The following SLC2A9 variants were observed in gnomAD, a reference collection of about 807,000 sequenced individuals.
The protein encoded by SLC2A9 is solute carrier family 2, facilitated glucose transporter member 9.
In SLC2A9, 39 loss-of-function variants were observed where a neutral mutation model predicts 50.6. That is an observed-to-expected ratio of 0.77 (90% CI 0.60 to 1.01). The LOEUF (loss-of-function observed/expected upper bound fraction) is 1.01. Ranked by LOEUF, SLC2A9 falls within the 50% of genes least tolerant of loss-of-function variation. The pLI is 0.00. For missense variants in SLC2A9, 686 were observed against 677.6 expected, an observed-to-expected ratio of 1.01 and a Z score of -0.14; for synonymous variants, 324 against 276.9, an observed-to-expected ratio of 1.17 and a Z score of -1.69.
At chr4:9,782,352 C>A in intron 3 of SLC2A9, 1 of 1,614,040 alleles carries the variant, frequency 6.2e-7, no homozygotes, top group Non-Finnish European at 8.5e-7. Flanking sequence ...GGTTACTGGC[C>A]CTTTGGAGCG....
intron 5 of SLC2A9, among the ~76,000 whole-genome samples, chr4:9,964,426 A>G (rs1752758502): frequency 1.3e-5 from 2 of 152,106 alleles, no homozygotes; most frequent in African/African-American, 4.8e-5. Flanking sequence ...CTTTTCTCCT[A>G]TTTCCCTTCA....
chr4:9,960,806 G>A (rs1752145166), intron 5 of SLC2A9, among the ~76,000 whole-genome samples: 1 of 152,190 alleles, frequency 6.6e-6, no homozygotes, highest in Non-Finnish European at 1.5e-5. Context: ...ATAGTCAGCA[G>A]AAGGGAAATG....
intron 7 of SLC2A9, 90 bp from the exon 8 acceptor site, chr4:9,908,435 T>C (rs992101223): frequency 4.5e-6 from 4 of 886,724 alleles, no homozygotes; most frequent in Admixed American, 3.9e-5. Context: ...AGGTGGTCTC[T>C]GGATTAAACT....
At chr4:9,803,575 C>G (rs998422298) in intron 3 of SLC2A9, among the ~76,000 whole-genome samples, 1 of 152,214 alleles carries the variant, frequency 6.6e-6, no homozygotes, top group Non-Finnish European at 1.5e-5. Context: ...GAGTGGTCCA[C>G]TATCCACCAG....
At chr4:9,808,072 G>T (rs1399218542) in intron 3 of SLC2A9, among the ~76,000 whole-genome samples, 1 of 152,188 alleles carries the variant, frequency 6.6e-6, no homozygotes, top group Non-Finnish European at 1.5e-5. Flanking sequence ...CCATCTCTGG[G>T]CTGGGTGGCT....
downstream of SLC2A9, among the ~76,000 whole-genome samples, chr4:9,822,771 T>C (rs1560152654): frequency 2.0e-5 from 3 of 152,200 alleles, no homozygotes; most frequent in Admixed American, 1.3e-4. Context: ...TTTTCTAAGG[T>C]GACTTTCAAG....
At chr4:9,850,322 G>A (rs1729671217) in intron 10 of SLC2A9, among the ~76,000 whole-genome samples, 1 of 152,210 alleles carries the variant, frequency 6.6e-6, no homozygotes, top group African/African-American at 2.4e-5. Context: ...CAGCCTGTGT[G>A]TTGCCCAGAG....
intron 3 of SLC2A9, chr4:9,782,389 C>T (rs1353730805): frequency 1.2e-6 from 2 of 1,614,066 alleles, no homozygotes; most frequent in East Asian, 2.2e-5. Flanking sequence ...TGGCCTTCGA[C>T]ATCATGTGCT....
chr4:9,848,740 C>A (rs1729398617), intron 10 of SLC2A9, among the ~76,000 whole-genome samples: 1 of 148,766 alleles, frequency 6.7e-6, no homozygotes, highest in Admixed American at 6.7e-5. Context: ...CACTCTGTCA[C>A]CCAGGCTGGA....
chr4:9,830,967 G>T (rs1726034131), intron 11 of SLC2A9, among the ~76,000 whole-genome samples: 1 of 152,176 alleles, frequency 6.6e-6, no homozygotes, highest in African/African-American at 2.4e-5. Flanking sequence ...CAGGCTTGGA[G>T]AGGAAACCCA....
At chr4:9,836,824 G>T (rs957331886) in intron 10 of SLC2A9, among the ~76,000 whole-genome samples, 4 of 152,190 alleles carry the variant, frequency 2.6e-5, no homozygotes, top group Admixed American at 2.6e-4. Context: ...GGTTGTTTAG[G>T]GGGGCTCAGA....
chr4:9,883,435 G>A (rs1735593263), intron 10 of SLC2A9, among the ~76,000 whole-genome samples: 1 of 152,196 alleles, frequency 6.6e-6, no homozygotes, highest in Non-Finnish European at 1.5e-5. Context: ...CTTATCAGGG[G>A]AGCCCCTAAC....
chr4:9,943,036 G>A (rs1385165938), intron 5 of SLC2A9, among the ~76,000 whole-genome samples: 1 of 152,170 alleles, frequency 6.6e-6, no homozygotes, highest in Non-Finnish European at 1.5e-5. Context: ...TTACCCTCAG[G>A]ATCCTGGGGC....
intron 8 of SLC2A9, among the ~76,000 whole-genome samples, chr4:9,902,773 C>A (rs532849379): frequency 9.0e-4 from 137 of 152,310 alleles, no homozygotes; most frequent in African/African-American, 3.2e-3. Flanking sequence ...CCACCCTATT[C>A]CAGTATAACC....
At chr4:9,938,635 C>T (rs933845771) in intron 6 of SLC2A9, among the ~76,000 whole-genome samples, 4 of 152,154 alleles carry the variant, frequency 2.6e-5, no homozygotes, top group South Asian at 2.1e-4. Context: ...GTCACACACA[C>T]GCTCAAGGCA....
intron 2 of SLC2A9, among the ~76,000 whole-genome samples, chr4:10,001,121 T>C (rs1240803821): frequency 6.6e-6 from 1 of 152,146 alleles, no homozygotes; most frequent in Admixed American, 6.5e-5. Flanking sequence ...TGGTGTCCTT[T>C]ATAGAAAGAG....
chr4:9,781,817 G>A, intron 3 of SLC2A9: 1 of 437,402 alleles, frequency 2.3e-6, no homozygotes, highest in Admixed American at 4.0e-5. Flanking sequence ...GACTGGAGGG[G>A]CGCACCACGG....
chr4:9,929,959 C>A (rs1745607151), intron 6 of SLC2A9, among the ~76,000 whole-genome samples: 2 of 152,178 alleles, frequency 1.3e-5, no homozygotes, highest in Non-Finnish European at 2.9e-5. Flanking sequence ...ATGACCTCAG[C>A]CAGCCCTCCC....
At chr4:9,792,458 G>A (rs1720068156) in intron 3 of SLC2A9, among the ~76,000 whole-genome samples, 1 of 151,964 alleles carries the variant, frequency 6.6e-6, no homozygotes, top group Admixed American at 6.6e-5. Context: ...CAAAGTGCTA[G>A]GATTACAGGT....
Sources: gnomAD v4.1 joint callset for allele counts (sites outside exome capture counted in the v4.1 genomes callset) on GRCh38, gnomAD v4.1.1 for gene constraint, MANE v1.5 for transcripts, NCBI Gene and HGNC (gene_info 2026-07-23, HGNC 2026-07-21) for gene names.